LRP1B: variants seen among roughly 807,000 people sequenced by gnomAD.
The protein encoded by LRP1B is LDL receptor related protein 1B.
In LRP1B, 217 loss-of-function variants were observed where a neutral mutation model predicts 556.6. The observed-to-expected ratio is 0.39, with a 90% CI of 0.35 to 0.44. LRP1B has a LOEUF of 0.44. Among genes scored for constraint, LRP1B ranks in the 20% least tolerant of loss-of-function variants. LRP1B has a pLI of 1.00. For synonymous variants in LRP1B, 2,047 were observed against 1,865.8 expected (o/e 1.10, Z -2.50); for missense variants, 5,053 against 5,620.8 (o/e 0.90, Z 3.23).
chr2:141,166,705 CAT>C lies in LRP1B; in HGVS notation c.1013+21714_1013+21715del, dbSNP rs199653784. On this transcript the variant is annotated intron_variant, in intron 7 of 90. Transcript: ENST00000389484. The stretch of plus-strand genomic sequence containing the variant: ...CCCACTCTATCATTCTTGACGATAA[CAT>C]ATTGTTTATATTCACAGAGCATTGT... 7.6e-3 allele frequency among the ~76,000 whole-genome samples: 1,145 copies of C among 151,612 alleles called. 10 individuals carry two copies. Among genetic ancestry groups the C allele is most frequent in the Non-Finnish European group, 0.012 (809 of 67,842 alleles).
intron 2 of LRP1B, among the ~76,000 whole-genome samples, chr2:141,763,125 T>A (rs1255687312): frequency 1.3e-5 from 2 of 152,160 alleles, no homozygotes; most frequent in Admixed American, 6.5e-5. Context: ...AGGAGAAAAT[T>A]GCCTTTCTGG....
chr2:142,087,493 A>AG (rs1324844583), intron 1 of LRP1B, among the ~76,000 whole-genome samples: 1 of 151,712 alleles, frequency 6.6e-6, no homozygotes, highest in Non-Finnish European at 1.5e-5. Flanking sequence ...CAAAACTCAG[A>AG]GGGAGTTTTC....
Position 140,380,682 on chromosome 2 carries a change from A to C in LRP1B, c.10532-2396T>G, listed in dbSNP as rs182618256. On this transcript the variant is annotated intron_variant, in intron 67 of 90. Coordinates refer to ENST00000389484, the MANE Select transcript of LRP1B (RefSeq NM_018557.3). ...TAGAATGGGACTAATTCTTCCTCTAATGTTCTAATTTGCCTTTATCCTATT... is the reference window on the plus strand; with the variant it reads ...TAGAATGGGACTAATTCTTCCTCTACTGTTCTAATTTGCCTTTATCCTATT... Among the ~76,000 whole-genome samples, 108 of 152,270 alleles carry C rather than the reference A, an allele frequency of 7.1e-4. 1 individual carries two copies. The highest frequency in any genetic ancestry group is 2.4e-3 in the African/African-American group (101 of 41,560).
chr2:141,677,476 T>C (rs1002398846), intron 2 of LRP1B, among the ~76,000 whole-genome samples: 2 of 152,072 alleles, frequency 1.3e-5, no homozygotes, highest in African/African-American at 4.8e-5. Flanking sequence ...ACACTTGATG[T>C]GAGTTTTATA....
rs1394504613 is a variant in LRP1B, at chr2:141,037,609, T to C, written c.1789+11377A>G. Among the ~76,000 whole-genome samples, 5 of 151,980 alleles carry C rather than the reference T, an allele frequency of 3.3e-5. No individual in the cohort carries two copies. The East Asian group carries it at 9.7e-4, about 29-fold the overall frequency. On this transcript the variant is annotated intron_variant, in intron 11 of 90. Transcript: ENST00000389484. The stretch of plus-strand genomic sequence containing the variant: ...ACTATGGCTGCACTCCCAGAGTATA[T>C]TGGGGCAAAAGGCTCACAGTAATTC...
rs148210427 is a variant in LRP1B, at chr2:140,982,234, C to T, written c.2813G>A (p.Arg938His). 1.4e-4 allele frequency: 233 copies of T among 1,613,198 alleles called. No homozygotes were observed. Among genetic ancestry groups the T allele is most frequent in the East Asian group, 2.7e-4 (12 of 44,866 alleles). ...QVDQFSCGNGRCIPRAWLCDR... is the reference protein window; with the variant it reads ...QVDQFSCGNGHCIPRAWLCDR... ...ACACAGCCATGCTCTGGGAATGCAA[C>T]GCCCATTTCCGCAAGAAAACTGGTC... Residue 938 changes from arginine to histidine, a missense_variant, in exon 18 of 91, where the codon CGT (arginine) becomes CAT (histidine). Physicochemically the swap from Arg to His is conservative, Grantham distance 29. This residue lies in a region of LRP1B where 3,619 missense variants were observed against 3,931.9 expected (regional missense o/e 0.92). Transcript: ENST00000389484.
chr2:141,700,955 G>T (rs891375910), intron 2 of LRP1B, among the ~76,000 whole-genome samples: 2 of 151,726 alleles, frequency 1.3e-5, no homozygotes, highest in Non-Finnish European at 2.9e-5. Flanking sequence ...TCAGCAGCTA[G>T]GTTTGAGATT....
At chr2:140,995,841 G>A (rs2105361667) in intron 15 of LRP1B, among the ~76,000 whole-genome samples, 1 of 152,096 alleles carries the variant, frequency 6.6e-6, no homozygotes, top group African/African-American at 2.4e-5. Flanking sequence ...GGTTAAGTGG[G>A]ATTTATTCAC....
intron 3 of LRP1B, among the ~76,000 whole-genome samples, chr2:141,342,654 G>A (rs1013628430): frequency 5.3e-5 from 8 of 152,104 alleles, no homozygotes; most frequent in South Asian, 4.2e-4. Flanking sequence ...GAAATAAAGT[G>A]TGAAGACAAG....
intron 83 of LRP1B, among the ~76,000 whole-genome samples, chr2:140,310,570 C>A (rs1383601239): frequency 1.3e-5 from 2 of 151,560 alleles, no homozygotes; most frequent in East Asian, 3.9e-4. Flanking sequence ...ATGGAACAGA[C>A]TAGAGAACCC....
intron 14 of LRP1B, among the ~76,000 whole-genome samples, chr2:141,012,972 G>A (rs1218776320): frequency 6.6e-6 from 1 of 151,764 alleles, no homozygotes; most frequent in Non-Finnish European, 1.5e-5. Context: ...GCTATGTGTA[G>A]ATGTCCTAAT....
At chr2:141,538,774 G>C (rs1685149266) in intron 2 of LRP1B, among the ~76,000 whole-genome samples, 1 of 152,006 alleles carries the variant, frequency 6.6e-6, no homozygotes, top group African/African-American at 2.4e-5. Context: ...AAGTAGCTGG[G>C]ATTATAAGCA....
intron 66 of LRP1B, among the ~76,000 whole-genome samples, chr2:140,434,746 T>A (rs560076090): frequency 1.3e-5 from 2 of 152,298 alleles, no homozygotes; most frequent in South Asian, 4.1e-4. Context: ...CTCTGTTTAG[T>A]ATACTCAGAT....
chr2:140,774,650 T>G (rs1411313267), intron 33 of LRP1B, among the ~76,000 whole-genome samples: 1 of 152,112 alleles, frequency 6.6e-6, no homozygotes, highest in Non-Finnish European at 1.5e-5. Flanking sequence ...AGATTTACAA[T>G]AGTACTGTGA....
intron 3 of LRP1B, among the ~76,000 whole-genome samples, chr2:141,377,577 A>T (rs927830549): frequency 6.6e-6 from 1 of 152,118 alleles, no homozygotes; most frequent in Non-Finnish European, 1.5e-5. Context: ...TAGTTCAAAA[A>T]TTCACTGTTG....
chr2:140,740,140 T>C (rs546468425), intron 35 of LRP1B, among the ~76,000 whole-genome samples: 2 of 152,084 alleles, frequency 1.3e-5, no homozygotes, highest in Non-Finnish European at 2.9e-5. Flanking sequence ...TAAGTAGAAC[T>C]ACCATCTGAT....
At chr2:140,580,902 C>T (rs1681735662) in intron 43 of LRP1B, among the ~76,000 whole-genome samples, 1 of 152,182 alleles carries the variant, frequency 6.6e-6, no homozygotes, top group Admixed American at 6.5e-5. Flanking sequence ...ACTTTCCAAA[C>T]TAAGCACTTG....
chr2:140,954,514 T>C (rs1301932360), intron 18 of LRP1B, among the ~76,000 whole-genome samples: 1 of 152,096 alleles, frequency 6.6e-6, no homozygotes, highest in Non-Finnish European at 1.5e-5. Context: ...CCTAAGCATC[T>C]GAAAACTTTT....
chr2:140,868,808 A>G (rs1028534067), intron 25 of LRP1B, among the ~76,000 whole-genome samples: 1 of 152,142 alleles, frequency 6.6e-6, no homozygotes, highest in African/African-American at 2.4e-5. Flanking sequence ...TAAGAAGTGC[A>G]TAGGCCTTTG....
Sources: allele counts gnomAD v4.1 joint callset (sites outside exome capture counted in the v4.1 genomes callset), GRCh38; gene constraint gnomAD v4.1.1; regional missense constraint gnomAD v4.1.1; transcripts MANE v1.5; gene names NCBI Gene and HGNC (gene_info 2026-07-23, HGNC 2026-07-21).